The following MACROD2 variants were observed in gnomAD, a reference collection of about 807,000 sequenced individuals.
MACROD2 encodes mono-ADP ribosylhydrolase 2.
In MACROD2, 36 loss-of-function variants were observed where a neutral mutation model predicts 70.4. That is an observed-to-expected ratio of 0.51 (90% confidence interval 0.39 to 0.68). The LOEUF (loss-of-function observed/expected upper bound fraction) is 0.68, where lower values mean the gene tolerates loss of function less well. Ranked by LOEUF, MACROD2 falls within the 30% of genes least tolerant of loss-of-function variation. MACROD2 has a pLI of 0.00. For synonymous variants in MACROD2, 172 were observed against 178.8 expected (o/e 0.96, Z 0.30); for missense variants, 496 against 538.4 (o/e 0.92, Z 0.78).
chr20:14,848,881 T>C (rs2073170247), intron 5 of MACROD2, among the ~76,000 whole-genome samples: 1 of 152,090 alleles, frequency 6.6e-6, no homozygotes, highest in Non-Finnish European at 1.5e-5. Context: ...TAGGGCAGCC[T>C]GGGCCAAGGA....
intron 3 of MACROD2, among the ~76,000 whole-genome samples, chr20:14,366,846 T>G (rs2083277568): frequency 6.6e-6 from 1 of 152,158 alleles, no homozygotes; most frequent in Non-Finnish European, 1.5e-5. Context: ...AAATTATATA[T>G]ATTTTACTAA....
Position 14,274,037 on chromosome 20 carries a change from T to C in MACROD2, c.271+188309T>C, listed in dbSNP as rs368486180. 1.5e-3 allele frequency among the ~76,000 whole-genome samples: 222 copies of C among 152,264 alleles called. 5 individuals are homozygous for C. In the East Asian group the frequency reaches 0.037, roughly 25 times the overall value. ...CAACCAAAAAGAGTCCAGGACCAGA[T>C]GGATTCACAGCCGAATTCTACCAGA... On this transcript the variant is annotated intron_variant, in intron 3 of 17. Transcript: ENST00000684519.
At chr20:14,843,503 C>A (rs2073108192) in intron 5 of MACROD2, among the ~76,000 whole-genome samples, 1 of 152,028 alleles carries the variant, frequency 6.6e-6, no homozygotes, top group East Asian at 1.9e-4. Flanking sequence ...TACTTTTCCA[C>A]TAGGTGAGCA....
chr20:15,288,213 C>G (rs2077509175), intron 6 of MACROD2, among the ~76,000 whole-genome samples: 1 of 152,182 alleles, frequency 6.6e-6, no homozygotes, highest in South Asian at 2.1e-4. Context: ...TGGCACAGCT[C>G]TCAAGAACAA....
chr20:15,355,713 T>G (rs2078279179), intron 6 of MACROD2, among the ~76,000 whole-genome samples: 1 of 152,154 alleles, frequency 6.6e-6, no homozygotes, highest in Non-Finnish European at 1.5e-5. Context: ...AGTGACTTTA[T>G]CATTAATAAT....
chr20:14,515,838 AAG>A (rs1170470812), intron 4 of MACROD2, among the ~76,000 whole-genome samples: 2 of 151,772 alleles, frequency 1.3e-5, no homozygotes, highest in East Asian at 3.9e-4. Flanking sequence ...AAATTGCTAA[AAG>A]AATTGATTTT....
In MACROD2 at chr20:15,951,306, G is replaced by GACACACACACAC. The variant is rs58032991; in HGVS notation, c.907+13796_907+13807dup. ...GTTCCTAGGAGGATATATTTATCTA[G>GACACACACACAC]ACACACACACACACACACACACACA... is the stretch of plus-strand genomic sequence containing the variant. On this transcript the variant is annotated intron_variant, in intron 12 of 17. Coordinates refer to ENST00000684519, the MANE Select transcript of MACROD2 (RefSeq NM_001351661.2). Among the ~76,000 whole-genome samples the GACACACACACAC allele has an allele frequency of 9.6e-3, 1,298 of 135,588 alleles. 10 individuals are homozygous for GACACACACACAC. Among genetic ancestry groups the GACACACACACAC allele is most frequent in the Middle Eastern group, 0.036 (10 of 278 alleles). 89.0% of individuals were successfully genotyped at this position (135,588 alleles called of 152,430 possible).
At chr20:14,721,324 G>T (rs2045253163) in intron 5 of MACROD2, among the ~76,000 whole-genome samples, 1 of 151,650 alleles carries the variant, frequency 6.6e-6, no homozygotes, top group African/African-American at 2.4e-5. Context: ...ACACAACTAT[G>T]TTTGCACAAC....
chr20:15,229,871 GTATT>G (rs2076944430), intron 5 of MACROD2, 65 bp from the exon 6 acceptor site: 2 of 1,464,298 alleles, frequency 1.4e-6, no homozygotes, highest in African/African-American at 1.4e-5. Context: ...AATAAATAAA[GTATT>G]AATTATGTAA....
intron 3 of MACROD2, among the ~76,000 whole-genome samples, chr20:14,314,540 C>CA (rs1394376207): frequency 2.6e-5 from 4 of 152,100 alleles, no homozygotes; most frequent in Admixed American, 1.3e-4. Context: ...GTGGGTGGAT[C>CA]ACCTGAGGTT....
chr20:14,767,261 A>G (rs760466966), intron 5 of MACROD2, among the ~76,000 whole-genome samples: 4 of 152,142 alleles, frequency 2.6e-5, no homozygotes, highest in Non-Finnish European at 4.4e-5. Context: ...TTATATTTTT[A>G]AAATATAGTT....
Position 15,448,972 on chromosome 20 carries a change from G to A in MACROD2, c.571+17537G>A, listed in dbSNP as rs372705498. Among the ~76,000 whole-genome samples, 43 of 152,160 alleles carry A rather than the reference G, an allele frequency of 2.8e-4. 1 individual carries two copies. Among genetic ancestry groups the A allele is most frequent in the South Asian group, 2.7e-3 (13 of 4,818 alleles). On this transcript the variant is annotated intron_variant, in intron 7 of 17. Transcript: ENST00000684519. ...TCCCTAAGACCTTGAATAACTCAGA[G>A]CAGATAATCAAACTATCTAATGATC...
At chr20:15,233,901 A>T (rs1398336946) in intron 6 of MACROD2, among the ~76,000 whole-genome samples, 1 of 142,400 alleles carries the variant, frequency 7.0e-6, no homozygotes, top group African/African-American at 2.6e-5. Flanking sequence ...ATTATTCCTT[A>T]TTCCAAATAT....
chr20:15,163,381 C>G (rs1269782610), intron 5 of MACROD2, among the ~76,000 whole-genome samples: 2 of 151,976 alleles, frequency 1.3e-5, no homozygotes, highest in East Asian at 1.9e-4. Context: ...ATTAGACAAT[C>G]AAAGATTGAT....
intron 3 of MACROD2, among the ~76,000 whole-genome samples, chr20:14,413,309 A>G (rs1180484353): frequency 6.6e-6 from 1 of 150,394 alleles, no homozygotes; most frequent in African/African-American, 2.4e-5. Context: ...AATATCATAT[A>G]TAAAGTTGCA....
rs2046913495 is a variant in MACROD2, at chr20:15,467,745, T to C, written c.572-32029T>C. ...AGGCATGGTAAAAAAATGTGAAAAG[T>C]AGAACTTTGTTTATTCATTCCACAA... On this transcript the variant is annotated intron_variant, in intron 7 of 17. Transcript: ENST00000684519. Among the ~76,000 whole-genome samples, 8 of 152,116 alleles carry C rather than the reference T, an allele frequency of 5.3e-5. No homozygotes were observed. In the South Asian group the frequency reaches 1.7e-3, roughly 32 times the overall value.
chr20:15,288,867 GTCTATCTATCTA>G (rs3070384), intron 6 of MACROD2, among the ~76,000 whole-genome samples: 363 of 146,964 alleles, frequency 2.5e-3, no homozygotes, highest in African/African-American at 7.6e-3. Context: ...CTGTCTGTCT[GTCTATCTATCTA>G]TCTATCTATC....
chr20:14,298,268 T>C (rs1029754143), intron 3 of MACROD2, among the ~76,000 whole-genome samples: 2 of 151,770 alleles, frequency 1.3e-5, no homozygotes, highest in Non-Finnish European at 1.5e-5. Flanking sequence ...TCTTCGTATA[T>C]AAGAAGTGCA....
chr20:15,930,277 T>TA (rs1309747410), intron 10 of MACROD2, among the ~76,000 whole-genome samples: 1 of 152,196 alleles, frequency 6.6e-6, no homozygotes, highest in Non-Finnish European at 1.5e-5. Context: ...ATCAAAGACT[T>TA]ACGGGTAACT....
Sources: gnomAD v4.1 joint callset for allele counts (sites outside exome capture counted in the v4.1 genomes callset) on GRCh38, gnomAD v4.1.1 for gene constraint, MANE v1.5 for transcripts, NCBI Gene and HGNC (gene_info 2026-07-23, HGNC 2026-07-21) for gene names.